The following PLEKHA8 variants were observed in gnomAD, a reference collection of about 807,000 sequenced individuals.
PLEKHA8 encodes the protein pleckstrin homology domain containing A8.
Under a neutral mutation model 68.2 loss-of-function variants are expected in PLEKHA8, and 36 were observed. That is an observed-to-expected ratio of 0.53 (90% CI 0.40 to 0.70). The LOEUF (loss-of-function observed/expected upper bound fraction) is 0.70, where lower values mean the gene tolerates loss of function less well. Ranked by LOEUF, PLEKHA8 falls within the 30% of genes least tolerant of loss-of-function variation. The probability of loss-of-function intolerance (pLI) is 0.00; values close to 1 mark genes in which losing one functional copy is unlikely to be tolerated. For missense variants in PLEKHA8, 505 were observed against 615.4 expected (o/e 0.82, Z 1.90); for synonymous variants, 211 against 216.1 (o/e 0.98, Z 0.20).
chr7:30,104,311 C>T (rs1005728146), intron 13 of PLEKHA8, among the ~76,000 whole-genome samples: 12 of 152,158 alleles, frequency 7.9e-5, no homozygotes, highest in East Asian at 5.8e-4. Context: ...CCAGCAATAA[C>T]GCTGCTAGGT....
chr7:30,101,028 A>G (rs1032279108), intron 13 of PLEKHA8, among the ~76,000 whole-genome samples: 6 of 152,076 alleles, frequency 3.9e-5, no homozygotes, highest in Admixed American at 3.3e-4. Context: ...CGTCTCTACT[A>G]AAAATACAAA....
chr7:30,044,946 C>T, intron 1 of PLEKHA8, 139 bp from the exon 2 acceptor site: 1 of 534,290 alleles, frequency 1.9e-6, no homozygotes, highest in Non-Finnish European at 3.3e-6. Context: ...TAACTTAATT[C>T]TTTCTCTTAG....
At chr7:30,063,251 G>C (rs1035117378) in intron 12 of PLEKHA8, among the ~76,000 whole-genome samples, 2 of 152,194 alleles carry the variant, frequency 1.3e-5, no homozygotes, top group African/African-American at 2.4e-5. Flanking sequence ...TGAAGGGCTT[G>C]GTCAGAGGAG....
At chr7:30,098,198 G>C (rs1186295036) in intron 13 of PLEKHA8, among the ~76,000 whole-genome samples, 4 of 152,238 alleles carry the variant, frequency 2.6e-5, no homozygotes, top group Non-Finnish European at 5.9e-5. Flanking sequence ...TTTTGTCTCA[G>C]AGGAGTACCC....
At chr7:30,040,194 G>T (rs937732386) in intron 1 of PLEKHA8, among the ~76,000 whole-genome samples, 8 of 152,186 alleles carry the variant, frequency 5.3e-5, no homozygotes, top group African/African-American at 1.9e-4. Context: ...AGTAAAAAGG[G>T]ATATTTATTG....
intron 1 of PLEKHA8, among the ~76,000 whole-genome samples, chr7:30,033,932 A>G (rs189302679): frequency 2.2e-5 from 3 of 138,722 alleles, no homozygotes; most frequent in Admixed American, 1.5e-4. Flanking sequence ...ATCCATTTGT[A>G]TATCTATTTG....
chr7:30,030,602 GTC>G, intron 1 of PLEKHA8, among the ~76,000 whole-genome samples: 1 of 152,372 alleles, frequency 6.6e-6, no homozygotes, highest in Non-Finnish European at 1.5e-5. Flanking sequence ...AGAGACAGCT[GTC>G]TCTACGTGAT....
chr7:30,089,043 C>T, downstream of PLEKHA8, among the ~76,000 whole-genome samples: 1 of 152,030 alleles, frequency 6.6e-6, no homozygotes, highest in African/African-American at 2.4e-5. Flanking sequence ...CCCGTACATA[C>T]AGTAGATATG....
intron 12 of PLEKHA8, among the ~76,000 whole-genome samples, chr7:30,068,257 C>T (rs1475881388): frequency 6.6e-6 from 1 of 152,238 alleles, no homozygotes; most frequent in Non-Finnish European, 1.5e-5. Flanking sequence ...CTGGGAATTG[C>T]TGCTGTAGTA....
chr7:30,067,575 A>G (rs1359879068), intron 12 of PLEKHA8, among the ~76,000 whole-genome samples: 1 of 152,218 alleles, frequency 6.6e-6, no homozygotes, highest in Non-Finnish European at 1.5e-5. Flanking sequence ...TCACTCCTTA[A>G]TCCCGTGACT....
Position 30,045,232 on chromosome 7 carries a change from TTTTC to T in PLEKHA8, c.157+37_157+40del. The T allele has an allele frequency of 2.6e-6, 4 of 1,528,594 alleles. No homozygotes were observed. The South Asian group carries it at 3.5e-5, about 13-fold the overall frequency. 94.7% of individuals were successfully genotyped at this position (1,528,594 alleles called of 1,614,324 possible). A position where few individuals can be genotyped will look rare whatever the true frequency, so the allele number is the denominator to read the frequency against. ...AAATCAAGCAACTTGCAAGTTTTAT[TTTTC>T]TTTCTGTTTTCCCTCAAAAACAAAA... On this transcript the variant is annotated intron_variant, in intron 2 of 13. Transcript: ENST00000449726.
chr7:30,048,061 T>A (rs989612530), intron 4 of PLEKHA8, 105 bp downstream of exon 4: 1 of 638,954 alleles, frequency 1.6e-6, no homozygotes, highest in African/African-American at 2.0e-5. Flanking sequence ...TTAATATTAC[T>A]AATATACCTA....
At chr7:30,113,643 A>C (rs549068891) in intron 13 of PLEKHA8, among the ~76,000 whole-genome samples, 1 of 152,146 alleles carries the variant, frequency 6.6e-6, no homozygotes, top group Non-Finnish European at 1.5e-5. Flanking sequence ...ATCTCTTTGA[A>C]TACTACCACC....
At position 30,081,797 on chromosome 7, in the gene PLEKHA8, C is replaced by T. The variant is rs762283418; in HGVS notation, c.*3010C>T. On this transcript the variant is annotated 3_prime_UTR_variant, in exon 14 of 14. Transcript: ENST00000449726. ...GCTAACCCCTTATGAGACATTTCCA[C>T]ACAATTTCATCGTGCCTGTACTTTT... The T allele has an allele frequency of 1.0e-6, 1 of 985,224 alleles. No homozygotes were observed. Among genetic ancestry groups the T allele is most frequent in the Non-Finnish European group, 1.2e-6 (1 of 829,850 alleles). 61.0% of individuals were successfully genotyped at this position (985,224 alleles called of 1,614,324 possible).
intron 12 of PLEKHA8, among the ~76,000 whole-genome samples, chr7:30,073,278 T>A (rs1475185177): frequency 6.6e-6 from 1 of 152,130 alleles, no homozygotes; most frequent in Non-Finnish European, 1.5e-5. Flanking sequence ...CATAGGGTCA[T>A]TTAGGACAAA....
At chr7:30,046,445 G>T in intron 3 of PLEKHA8, 80 bp downstream of exon 3, 1 of 1,462,480 alleles carries the variant, frequency 6.8e-7, no homozygotes, top group Non-Finnish European at 9.1e-7. Context: ...TTGTTATCTT[G>T]CTTCTGACCA....
At chr7:30,106,502 A>G (rs1259837422) in intron 13 of PLEKHA8, among the ~76,000 whole-genome samples, 1 of 152,202 alleles carries the variant, frequency 6.6e-6, no homozygotes, top group Non-Finnish European at 1.5e-5. Context: ...CAGCAGCACC[A>G]TCATATATAA....
chr7:30,034,010 CTTTTTTTTTTTTTTTTTTTTTTT>C (rs56796780), intron 1 of PLEKHA8, among the ~76,000 whole-genome samples: 1 of 34,632 alleles, frequency 2.9e-5, no homozygotes, highest in African/African-American at 1.3e-4. Flanking sequence ...TAAGAGGTTT[CTTTTTTTTTTTTTTTTTTTTTTT>C]TTTTTTTTTG....
intron 13 of PLEKHA8, among the ~76,000 whole-genome samples, chr7:30,114,822 G>A (rs552113485): frequency 6.6e-6 from 1 of 152,182 alleles, no homozygotes; most frequent in South Asian, 2.1e-4. Context: ...TTATCATTTT[G>A]GGAGTCATTT....
Sources: gnomAD v4.1 joint callset for allele counts (sites outside exome capture counted in the v4.1 genomes callset) on GRCh38, gnomAD v4.1.1 for gene constraint, MANE v1.5 for transcripts, NCBI Gene and HGNC (gene_info 2026-07-23, HGNC 2026-07-21) for gene names.